The following ERAP1 variants were observed in gnomAD, a reference collection of about 807,000 sequenced individuals.
ERAP1 encodes adipocyte-derived leucine aminopeptidase.
Under a neutral mutation model 103.7 loss-of-function variants are expected in ERAP1, and 86 were observed. The observed-to-expected ratio is 0.83, with a 90% confidence interval of 0.70 to 0.99. The LOEUF is 0.99. ERAP1 is among the 50% of genes least tolerant of loss of function. ERAP1 has a pLI of 0.00. For missense variants in ERAP1, 1,009 were observed against 1,128.4 expected (o/e 0.89, Z 1.52); for synonymous variants, 398 against 402.4 (o/e 0.99, Z 0.13).
chr5:96,781,982 A>C (rs915653652), intron 15 of ERAP1, 128 bp from the exon 16 acceptor site: 99 of 906,044 alleles, frequency 1.1e-4, no homozygotes, highest in Admixed American at 2.0e-4. Flanking sequence ...AATATAAACA[A>C]AAACTACTGA....
the ERAP1 span, chr5:96,889,132 A>T: frequency 6.2e-7 from 1 of 1,607,628 alleles, no homozygotes; most frequent in South Asian, 1.1e-5. Flanking sequence ...TCAGGAATGG[A>T]ATTATGCCAG....
chr5:96,856,980 C>G, the ERAP1 span, among the ~76,000 whole-genome samples: 3 of 152,304 alleles, frequency 2.0e-5, no homozygotes, highest in South Asian at 4.1e-4. Context: ...CTCAGTTGGG[C>G]TCCTACCTCA....
the ERAP1 span, chr5:96,896,965 T>TAAGTCATATGTTGGGAAACGATAGACTG: frequency 1.0e-6 from 1 of 987,684 alleles, no homozygotes; most frequent in Non-Finnish European, 1.4e-6. Flanking sequence ...GTCAACCATA[T>TAAGTCATATGTTGGGAAACGATAGACTG]TTATTCTGCT....
rs1561272802 is a variant in ERAP1 at position 96,792,210 on chromosome 5, A to G, written c.1189-18T>C. On this transcript the variant is annotated intron_variant, in intron 7 of 18. Transcript: ENST00000443439. ...TAATCTCCCTATTGAGATAGAAAAA[A>G]GAAAACATCACCTATGATTTACATT... 1.9e-6 allele frequency: 3 copies of G among 1,611,072 alleles called. No individual in the cohort carries two copies. Among genetic ancestry groups the G allele is most frequent in the South Asian group, 2.2e-5 (2 of 91,008 alleles).
chr5:96,771,078 A>G (rs113960935), downstream of ERAP1, among the ~76,000 whole-genome samples: 7 of 152,314 alleles, frequency 4.6e-5, no homozygotes, highest in African/African-American at 1.2e-4. Flanking sequence ...TTTAAAGACA[A>G]TAGTCCAGTT....
the ERAP1 span, chr5:96,881,316 G>A: frequency 2.3e-6 from 1 of 426,602 alleles, no homozygotes; most frequent in Non-Finnish European, 4.7e-6. Context: ...CCAGGCTAGT[G>A]GCAGTGCTTA....
At chr5:96,780,582 A>G (rs67140788) in intron 17 of ERAP1, 78 bp from the exon 18 acceptor site, 121,709 of 1,106,234 alleles carry the variant, frequency 0.11, 7,701 homozygotes, top group Non-Finnish European at 0.13. Flanking sequence ...TCCTATATAT[A>G]ATAGCTTTCA....
chr5:96,797,177 T>C lies in ERAP1; in HGVS notation c.796A>G (p.Lys266Glu). ...SVSKITKSGV[K>E]VSVYAVPDKI... ...ATATGTGACAGTCATAGGCTCACCT[T>C]GACTCCACTCTTGGTTATCTTGCTG... Residue 266 changes from lysine (K) to glutamate (E), a missense_variant and splice_region_variant, in exon 4 of 19, where the codon AAG becomes GAG. Physicochemically the swap from Lys to Glu is moderately conservative, Grantham distance 56. Around this residue, in one of 3 missense-constraint regions of ERAP1, gnomAD observed 392 missense variants for 455.2 expected, o/e 0.86. Coordinates refer to ENST00000443439, the MANE Select transcript of ERAP1 (RefSeq NM_001040458.3). 6.2e-7 allele frequency: 1 copy of C among 1,614,108 alleles called. No homozygotes were observed. The highest frequency in any genetic ancestry group is 8.5e-7 in the Non-Finnish European group (1 of 1,180,018).
the ERAP1 span, among the ~76,000 whole-genome samples, chr5:96,899,232 T>TGAC: frequency 6.6e-6 from 1 of 151,540 alleles, no homozygotes; most frequent in African/African-American, 2.4e-5. Context: ...AAAATTTGTC[T>TGAC]TCTAAGTCCA....
chr5:96,786,473 T>G lies in ERAP1; in HGVS notation c.1756A>C (p.Thr586Pro), dbSNP rs1346419587. ...MVHRFLLKTK[T>P]DVLILPEEVE... is the part of the protein sequence containing the mutation. ...AGTAGTTTCCAAAATAAATTACCTG[T>G]TTTTGTTTTTAGCAAAAATCGATGG... is the stretch of plus-strand genomic sequence containing the variant. The change falls in exon 12 of 19, where the codon ACA (threonine) becomes CCA (proline). Residue 586 changes from threonine (T) to proline (P), a missense_variant. By Grantham distance (38) the Thr-to-Pro change is conservative. Coordinates refer to ENST00000443439, the MANE Select transcript of ERAP1 (RefSeq NM_001040458.3). 1 of 1,604,712 alleles carries G rather than the reference T, an allele frequency of 6.2e-7. No individual in the cohort carries two copies. Among genetic ancestry groups the G allele is most frequent in the Non-Finnish European group, 8.5e-7 (1 of 1,172,042 alleles).
the ERAP1 span, among the ~76,000 whole-genome samples, chr5:96,840,124 A>G: frequency 6.6e-6 from 1 of 152,236 alleles, no homozygotes; most frequent in African/African-American, 2.4e-5. Context: ...GGAATCAATA[A>G]CTGAGTAAAT....
chr5:96,912,790 G>GT, the ERAP1 span: 1 of 1,595,220 alleles, frequency 6.3e-7, no homozygotes, highest in East Asian at 2.3e-5. Flanking sequence ...ATCAGGAAAA[G>GT]TTACTGAAGT....
chr5:96,827,387 C>T, the ERAP1 span, among the ~76,000 whole-genome samples: 44 of 152,264 alleles, frequency 2.9e-4, no homozygotes, highest in African/African-American at 8.9e-4. Context: ...ATAGGCTGGG[C>T]GCGATGGCTC....
chr5:96,892,402 T>C, the ERAP1 span: 1 of 1,614,058 alleles, frequency 6.2e-7, no homozygotes, highest in Non-Finnish European at 8.5e-7. Flanking sequence ...CCTCTTCTGC[T>C]TCCGATAAAC....
chr5:96,792,903 T>C (rs540643314), intron 7 of ERAP1, among the ~76,000 whole-genome samples: 56 of 152,326 alleles, frequency 3.7e-4, no homozygotes, highest in African/African-American at 1.2e-3. Flanking sequence ...GTGATTTTCT[T>C]AAGTTAAATG....
At chr5:96,809,416 C>T (rs1337213163), upstream of ERAP1, among the ~76,000 whole-genome samples, 2 of 152,150 alleles carry the variant, frequency 1.3e-5, no homozygotes, top group Non-Finnish European at 2.9e-5. Context: ...CCTTTTCATG[C>T]GGTTCTCAGA....
intron 15 of ERAP1, 37 bp from the exon 16 acceptor site, chr5:96,781,891 G>T (rs1185970305): frequency 2.5e-6 from 4 of 1,608,178 alleles, no homozygotes; most frequent in Non-Finnish European, 3.4e-6. Flanking sequence ...AATCTGAGGT[G>T]CAGTAAGTAT....
the ERAP1 span, among the ~76,000 whole-genome samples, chr5:96,836,174 T>TG: frequency 8.2e-6 from 1 of 121,604 alleles, no homozygotes; most frequent in Non-Finnish European, 1.7e-5. Context: ...TCCACCTCTT[T>TG]GGTTTTTTTT....
Position 96,792,211 on chromosome 5 carries a change from G to T in ERAP1, c.1189-19C>A. The stretch of plus-strand genomic sequence containing the variant: ...AATCTCCCTATTGAGATAGAAAAAA[G>T]AAAACATCACCTATGATTTACATTT... On this transcript the variant is annotated intron_variant, in intron 7 of 18. Coordinates refer to ENST00000443439, the MANE Select transcript of ERAP1 (RefSeq NM_001040458.3). 1.2e-6 allele frequency: 2 copies of T among 1,610,650 alleles called. No individual in the cohort carries two copies. Among genetic ancestry groups the T allele is most frequent in the Non-Finnish European group, 1.7e-6 (2 of 1,177,096 alleles).
Sources: gnomAD v4.1 joint callset for allele counts (sites outside exome capture counted in the v4.1 genomes callset) on GRCh38, gnomAD v4.1.1 for gene constraint, gnomAD v4.1.1 regional missense constraint, MANE v1.5 for transcripts, NCBI Gene and HGNC (gene_info 2026-07-23, HGNC 2026-07-21) for gene names.